Variants in FMN1 observed in about 807,000 individuals in gnomAD.
FMN1 encodes formin-1.
A neutral mutation model predicts 132.4 loss-of-function variants in FMN1; 110 were observed. That is an observed-to-expected ratio of 0.83 (90% CI 0.71 to 0.97). The LOEUF (loss-of-function observed/expected upper bound fraction) is 0.97, where lower values mean the gene tolerates loss of function less well. Among genes scored for constraint, FMN1 ranks in the 50% least tolerant of loss-of-function variants. The probability of loss-of-function intolerance (pLI) is 0.00; values close to 1 mark genes in which losing one functional copy is unlikely to be tolerated. For synonymous variants in FMN1, 722 were observed against 651.7 expected, an observed-to-expected ratio of 1.11 and a Z score of -1.64; for missense variants, 1,792 against 1,705.3, an observed-to-expected ratio of 1.05 and a Z score of -0.90.
chr15:33,072,989 T>C (rs1480210129), intron 5 of FMN1, among the ~76,000 whole-genome samples: 2 of 151,554 alleles, frequency 1.3e-5, no homozygotes, highest in Admixed American at 6.6e-5. Context: ...ATAAGAACAA[T>C]TGCAATAAAA....
Position 32,842,136 on chromosome 15 carries a change from T to C in FMN1, c.3928+14879A>G, listed in dbSNP as rs1470112814. On this transcript the variant is annotated intron_variant, in intron 17 of 20. Transcript: ENST00000616417. ...TGACGTGATGTTTCATTCCCAGTGT[T>C]TGAGAGGATAGGAAATTTCTAATTT... Among the ~76,000 whole-genome samples the C allele has an allele frequency of 2.0e-5, 3 of 152,316 alleles. No individual in the cohort carries two copies. The East Asian group carries it at 5.8e-4, about 29-fold the overall frequency.
At chr15:33,143,971 C>T (rs550140490) in intron 4 of FMN1, among the ~76,000 whole-genome samples, 1 of 152,062 alleles carries the variant, frequency 6.6e-6, no homozygotes, top group African/African-American at 2.4e-5. Context: ...AACCTATCGC[C>T]TTGATAGAAA....
chr15:33,066,411 A>C, intron 5 of FMN1: 1 of 1,003,336 alleles, frequency 1.0e-6, no homozygotes, highest in South Asian at 1.8e-5. Context: ...AACTAAAAGA[A>C]TCACTAACAG....
At chr15:32,911,291 C>T (rs371590072) in intron 10 of FMN1, among the ~76,000 whole-genome samples, 67 of 152,268 alleles carry the variant, frequency 4.4e-4, no homozygotes, top group African/African-American at 1.5e-3. Flanking sequence ...TTGAAATAAG[C>T]AGGTCCACAT....
At chr15:33,092,063 G>A (rs1017104077) in intron 4 of FMN1, among the ~76,000 whole-genome samples, 1 of 152,148 alleles carries the variant, frequency 6.6e-6, no homozygotes, top group African/African-American at 2.4e-5. Context: ...TACACACACA[G>A]GTTATCTGTA....
At chr15:32,774,468 T>C in intron 20 of FMN1, 114 bp from the exon 21 acceptor site, 1 of 784,202 alleles carries the variant, frequency 1.3e-6, no homozygotes, top group Non-Finnish European at 2.1e-6. Flanking sequence ...CCAAATGGCC[T>C]AGAAATGAGA....
At chr15:33,029,325 T>G (rs886414669) in intron 6 of FMN1, among the ~76,000 whole-genome samples, 4 of 152,156 alleles carry the variant, frequency 2.6e-5, no homozygotes, top group African/African-American at 9.7e-5. Context: ...TAATATATTT[T>G]CTACCATACT....
chr15:33,106,816 C>T lies in FMN1; in HGVS notation c.1868-17842G>A, dbSNP rs931511225. The stretch of plus-strand genomic sequence containing the variant: ...CTTGGCCAACTAAAATCTCTGAAAT[C>T]GCCCCTAGTTGAGAAGCACTGCTCT... On this transcript the variant is annotated intron_variant, in intron 4 of 20. Coordinates refer to ENST00000616417, the MANE Select transcript of FMN1 (RefSeq NM_001277313.2). 3.3e-5 allele frequency among the ~76,000 whole-genome samples: 5 copies of T among 152,020 alleles called. No individual in the cohort carries two copies. In the South Asian group the frequency reaches 1.0e-3, roughly 32 times the overall value.
chr15:33,126,339 A>G (rs928272414), intron 4 of FMN1, among the ~76,000 whole-genome samples: 1 of 152,200 alleles, frequency 6.6e-6, no homozygotes, highest in African/African-American at 2.4e-5. Context: ...GAGGAGGCAG[A>G]AGGTCACTGT....
chr15:32,809,956 T>C (rs7181402), intron 17 of FMN1, among the ~76,000 whole-genome samples: 1 of 151,652 alleles, frequency 6.6e-6, no homozygotes, highest in Non-Finnish European at 1.5e-5. Context: ...GTCTTGTTCT[T>C]TCACCCAGGC....
At chr15:33,044,178 G>T (rs1471487023) in intron 6 of FMN1, among the ~76,000 whole-genome samples, 1 of 152,250 alleles carries the variant, frequency 6.6e-6, no homozygotes, top group Non-Finnish European at 1.5e-5. Flanking sequence ...TGGGATGGAG[G>T]CTGAGGAGGG....
chr15:33,155,362 C>A (rs1445177214), intron 3 of FMN1, among the ~76,000 whole-genome samples: 1 of 152,162 alleles, frequency 6.6e-6, no homozygotes, highest in Admixed American at 6.5e-5. Flanking sequence ...GGTTTATGTT[C>A]TTCTGTAAAA....
At chr15:33,006,446 G>A (rs1210579103) in intron 7 of FMN1, among the ~76,000 whole-genome samples, 2 of 152,144 alleles carry the variant, frequency 1.3e-5, no homozygotes, top group Non-Finnish European at 2.9e-5. Context: ...CTGTTGGTAG[G>A]AATGTAAACT....
chr15:33,062,342 C>G (rs978274762), intron 6 of FMN1, among the ~76,000 whole-genome samples: 1 of 152,102 alleles, frequency 6.6e-6, no homozygotes, highest in Non-Finnish European at 1.5e-5. Context: ...TAACAGTAGG[C>G]CAGGCACGGT....
chr15:33,042,455 A>G (rs569453201), intron 6 of FMN1, among the ~76,000 whole-genome samples: 1 of 152,220 alleles, frequency 6.6e-6, no homozygotes, highest in South Asian at 2.1e-4. Flanking sequence ...AAAAAAACAA[A>G]TTGAGGTAAT....
rs779533690 is a variant in FMN1 at position 32,926,222 on chromosome 15, CCA to C, written c.3176_3177del (p.Val1059GlyfsTer6). On this transcript the variant is annotated frameshift_variant, in exon 10 of 21. Coordinates refer to ENST00000616417, the MANE Select transcript of FMN1 (RefSeq NM_001277313.2). LOFTEE classifies it high-confidence loss of function. ...AAATGTAAACTAGATATCAAGATTC[CCA>C]CAGTTTGAGATCGTTTTCCATCCAA... ...KLLDGKRSQT[V>X]GILISSLHLE... 1 of 1,559,820 alleles carries C rather than the reference CCA, an allele frequency of 6.4e-7. No individual in the cohort carries two copies. Among genetic ancestry groups the C allele is most frequent in the Non-Finnish European group, 8.7e-7 (1 of 1,154,312 alleles).
intron 4 of FMN1, among the ~76,000 whole-genome samples, chr15:33,136,446 T>G (rs1213414408): frequency 1.3e-5 from 2 of 152,218 alleles, no homozygotes; most frequent in Admixed American, 1.3e-4. Context: ...TGGGAAGAGC[T>G]TCAAATAGGA....
At chr15:32,923,765 C>A (rs10519766) in intron 10 of FMN1, among the ~76,000 whole-genome samples, 1 of 152,202 alleles carries the variant, frequency 6.6e-6, no homozygotes, top group East Asian at 1.9e-4. Context: ...GAGCTGGTAA[C>A]TGGACTATCA....
chr15:32,949,418 C>A (rs2061576568), intron 9 of FMN1, among the ~76,000 whole-genome samples: 2 of 152,004 alleles, frequency 1.3e-5, no homozygotes, highest in Admixed American at 1.3e-4. Flanking sequence ...AACTATCTGA[C>A]CTTTGACAAA....
Sources: allele counts gnomAD v4.1 joint callset (sites outside exome capture counted in the v4.1 genomes callset), GRCh38; gene constraint gnomAD v4.1.1; transcripts MANE v1.5; gene names NCBI Gene and HGNC (gene_info 2026-07-23, HGNC 2026-07-21).